Variants in NCKAP5 observed in about 807,000 individuals in gnomAD.
NCKAP5 encodes NCK associated protein 5, also known as nck-associated protein 5.
Under a neutral mutation model 167.0 loss-of-function variants are expected in NCKAP5, and 92 were observed. The ratio of observed to expected loss-of-function variants is 0.55; its 90% confidence interval spans 0.47 to 0.66. The LOEUF (loss-of-function observed/expected upper bound fraction) is 0.66. Among genes scored for constraint, NCKAP5 ranks in the 30% least tolerant of loss-of-function variants. The probability of loss-of-function intolerance (pLI) is 0.00; values close to 1 mark genes in which losing one functional copy is unlikely to be tolerated. For missense variants in NCKAP5, 2,378 were observed against 2,315.0 expected, an observed-to-expected ratio of 1.03 and a Z score of -0.56; for synonymous variants, 891 against 877.4, an observed-to-expected ratio of 1.02 and a Z score of -0.27.
chr2:132,833,903 T>C (rs1687699056), intron 11 of NCKAP5, among the ~76,000 whole-genome samples: 1 of 152,194 alleles, frequency 6.6e-6, no homozygotes, highest in Non-Finnish European at 1.5e-5. Flanking sequence ...AACAGTGACA[T>C]TGGCATTTTG....
chr2:132,832,013 T>C lies in NCKAP5; in HGVS notation c.807+28479A>G, dbSNP rs1558833626. Among the ~76,000 whole-genome samples, 5 of 152,218 alleles carry C rather than the reference T, an allele frequency of 3.3e-5. No homozygotes were observed. The South Asian group carries it at 1.0e-3, about 32-fold the overall frequency. On this transcript the variant is annotated intron_variant, in intron 11 of 19. Coordinates refer to ENST00000409261, the MANE Select transcript of NCKAP5 (RefSeq NM_207363.3). ...ACATTGTGAAGATATTTTCCTTCTT[T>C]CATTTATTGTTCTACTATTGAGCCA...
At chr2:133,204,204 A>G (rs2085839923) in intron 5 of NCKAP5, among the ~76,000 whole-genome samples, 1 of 152,284 alleles carries the variant, frequency 6.6e-6, no homozygotes, top group Non-Finnish European at 1.5e-5. Flanking sequence ...TTTTATTTTT[A>G]ATTTCAGCAT....
chr2:133,656,050 G>A, the NCKAP5 span, among the ~76,000 whole-genome samples: 3 of 152,186 alleles, frequency 2.0e-5, no homozygotes, highest in South Asian at 4.1e-4. Context: ...ATTTTCAAAT[G>A]TTTTAATGTT....
At chr2:133,458,177 G>A (rs539754626) in intron 3 of NCKAP5, among the ~76,000 whole-genome samples, 1 of 152,324 alleles carries the variant, frequency 6.6e-6, no homozygotes, top group African/African-American at 2.4e-5. Flanking sequence ...CACTGGACTA[G>A]GTACTGACAG....
At chr2:133,436,794 T>C (rs934153331) in intron 3 of NCKAP5, among the ~76,000 whole-genome samples, 2 of 152,182 alleles carry the variant, frequency 1.3e-5, no homozygotes, top group African/African-American at 4.8e-5. Context: ...ACATCACGTG[T>C]ATGTTAACAT....
chr2:133,451,169 A>C (rs573641610), intron 3 of NCKAP5, among the ~76,000 whole-genome samples: 1 of 152,298 alleles, frequency 6.6e-6, no homozygotes, highest in Non-Finnish European at 1.5e-5. Flanking sequence ...GTAACATGAA[A>C]TATTGCAATT....
Position 132,963,785 on chromosome 2 carries a change from T to A in NCKAP5, c.514A>T (p.Ser172Cys). 1 of 1,613,970 alleles carries A rather than the reference T, an allele frequency of 6.2e-7. No individual in the cohort carries two copies. Among genetic ancestry groups the A allele is most frequent in the Non-Finnish European group, 8.5e-7 (1 of 1,179,878 alleles). Residue 172 changes from serine to cysteine, a missense_variant, in exon 8 of 20, where the codon AGC (serine) becomes TGC (cysteine). Transcript: ENST00000409261. Reference sequence around the variant, plus strand: ...TCTTTTCCCTCATCTGTACTGCTGCTTTCACTCCTCGAATCCTCATCAACC... The same window carrying A: ...TCTTTTCCCTCATCTGTACTGCTGCATTCACTCCTCGAATCCTCATCAACC... ...MVVDEDSRSE[S>C]SSTDEGKEKT... is the part of the protein sequence containing the mutation.
the NCKAP5 span, among the ~76,000 whole-genome samples, chr2:133,641,086 G>T: frequency 6.6e-6 from 1 of 152,174 alleles, no homozygotes; most frequent in Non-Finnish European, 1.5e-5. Context: ...TCAAATAGAA[G>T]CTCTTTGGAG....
intron 3 of NCKAP5, among the ~76,000 whole-genome samples, chr2:133,388,586 C>T (rs1303563716): frequency 6.6e-6 from 1 of 152,216 alleles, no homozygotes; most frequent in East Asian, 1.9e-4. Context: ...ACATTTAAGT[C>T]TGCAGGATTT....
chr2:133,042,386 C>T (rs1045863641), intron 6 of NCKAP5, among the ~76,000 whole-genome samples: 2 of 152,064 alleles, frequency 1.3e-5, no homozygotes, highest in Admixed American at 1.3e-4. Context: ...TGTATGCAGC[C>T]AGCCAGGATT....
intron 6 of NCKAP5, among the ~76,000 whole-genome samples, chr2:133,107,845 G>A (rs1383030266): frequency 1.3e-5 from 2 of 152,182 alleles, no homozygotes; most frequent in African/African-American, 4.8e-5. Flanking sequence ...TTCCTCTAAG[G>A]TAGGAAATAA....
intron 6 of NCKAP5, among the ~76,000 whole-genome samples, chr2:133,073,035 G>T (rs1193818267): frequency 3.9e-5 from 6 of 152,096 alleles, no homozygotes; most frequent in Non-Finnish European, 7.4e-5. Flanking sequence ...AACTTGGGGA[G>T]GGTCAGACCT....
chr2:133,590,523 CAAAAAAAAAAA>C, the NCKAP5 span, among the ~76,000 whole-genome samples: 1 of 89,676 alleles, frequency 1.1e-5, no homozygotes, highest in South Asian at 3.8e-4. Context: ...GACTCTGTCT[CAAAAAAAAAAA>C]AAAAAAAAAA....
At chr2:132,990,342 T>A in intron 7 of NCKAP5, among the ~76,000 whole-genome samples, 1 of 152,194 alleles carries the variant, frequency 6.6e-6, no homozygotes, top group African/African-American at 2.4e-5. Flanking sequence ...TCCTATAAAC[T>A]GAGCATTTCA....
intron 3 of NCKAP5, among the ~76,000 whole-genome samples, chr2:133,365,818 G>T (rs1048826635): frequency 6.6e-6 from 1 of 152,108 alleles, no homozygotes; most frequent in African/African-American, 2.4e-5. Context: ...CTTGTTTAGA[G>T]ATATACTGTC....
At position 133,549,863 on chromosome 2, in the gene NCKAP5, G is replaced by A. The variant is rs1286119062; in HGVS notation, c.-62+9187C>T. ...ATAGACCACTAGCAAGACTAATAAA[G>A]AAAAAAAGAGAGAAGAATCAAATAG... On this transcript the variant is annotated intron_variant, in intron 2 of 19. Transcript: ENST00000409261. Among the ~76,000 whole-genome samples the A allele has an allele frequency of 8.8e-4, 127 of 144,082 alleles. 1 individual carries two copies. The highest frequency in any genetic ancestry group is 4.1e-4 in the Non-Finnish European group (27 of 65,218). 94.5% of individuals were successfully genotyped at this position (144,082 alleles called of 152,430 possible). A position where few individuals can be genotyped will look rare whatever the true frequency, so the allele number is the denominator to read the frequency against.
At chr2:133,635,188 T>C in the NCKAP5 span, among the ~76,000 whole-genome samples, 4 of 152,288 alleles carry the variant, frequency 2.6e-5, no homozygotes, top group Admixed American at 2.6e-4. Flanking sequence ...TTTTATTTTC[T>C]AAGTCTGGCA....
chr2:133,217,819 C>T (rs190997281), intron 4 of NCKAP5, among the ~76,000 whole-genome samples: 21 of 152,220 alleles, frequency 1.4e-4, no homozygotes, highest in African/African-American at 4.3e-4. Flanking sequence ...TAGTACATAA[C>T]GCAGGTACAC....
rs991161190 is a variant in NCKAP5, at chr2:133,096,469, CAG to C, written c.341+33507_341+33508del. Among the ~76,000 whole-genome samples, 4 of 150,842 alleles carry C rather than the reference CAG, an allele frequency of 2.7e-5. No individual in the cohort carries two copies. In the Admixed American group the frequency reaches 2.7e-4, roughly 10 times the overall value. ...TGGCCCTGGACTCCAGCCTGGTTGA[CAG>C]AGTGAGACTCTGTCTCAAAAATAAA... On this transcript the variant is annotated intron_variant, in intron 6 of 19. Transcript: ENST00000409261.
Sources: allele counts gnomAD v4.1 joint callset (sites outside exome capture counted in the v4.1 genomes callset), GRCh38; gene constraint gnomAD v4.1.1; transcripts MANE v1.5; gene names NCBI Gene and HGNC (gene_info 2026-07-23, HGNC 2026-07-21).